Variants in NBAS observed in about 807,000 individuals in gnomAD.
NBAS encodes the protein NBAS subunit of NRZ tethering complex.
In NBAS, 219 loss-of-function variants were observed where a neutral mutation model predicts 302.5. The observed-to-expected ratio is 0.72, with a 90% CI of 0.65 to 0.81. NBAS has a LOEUF of 0.81. Among genes scored for constraint, NBAS ranks in the 30% least tolerant of loss-of-function variants. NBAS has a pLI of 0.00. For synonymous variants in NBAS, 1,118 were observed against 1,021.6 expected (o/e 1.09, Z -1.80); for missense variants, 2,932 against 2,841.6 (o/e 1.03, Z -0.72).
the NBAS span, among the ~76,000 whole-genome samples, chr2:14,959,098 C>T: frequency 1.3e-4 from 20 of 152,272 alleles, no homozygotes; most frequent in East Asian, 1.2e-3. Context: ...GGACTCAAGA[C>T]GCCTGTGTTT....
intron 9 of NBAS, among the ~76,000 whole-genome samples, chr2:15,518,406 G>A (rs1481564147): frequency 6.6e-5 from 10 of 151,952 alleles, no homozygotes; most frequent in Non-Finnish European, 1.5e-4. Context: ...CCTTCACCTG[G>A]AATATTTACA....
the NBAS span, among the ~76,000 whole-genome samples, chr2:15,148,197 T>A: frequency 6.6e-6 from 1 of 152,206 alleles, no homozygotes; most frequent in Non-Finnish European, 1.5e-5. Context: ...CAACCCAAGA[T>A]GACTTTGATT....
At chr2:15,301,691 T>G (rs1670802993) in intron 40 of NBAS, among the ~76,000 whole-genome samples, 1 of 152,160 alleles carries the variant, frequency 6.6e-6, no homozygotes, top group African/African-American at 2.4e-5. Context: ...AACAATAGAA[T>G]ACATGCGCTC....
the NBAS span, among the ~76,000 whole-genome samples, chr2:14,989,361 C>T: frequency 6.7e-6 from 1 of 149,884 alleles, no homozygotes; most frequent in Non-Finnish European, 1.5e-5. Flanking sequence ...AGTGCGAGAC[C>T]AGCCTGGCCA....
At chr2:15,342,437 A>G (rs533662946) in intron 35 of NBAS, among the ~76,000 whole-genome samples, 2 of 152,298 alleles carry the variant, frequency 1.3e-5, no homozygotes, top group South Asian at 4.1e-4. Context: ...ATTACATGAA[A>G]CAGTAAGCTG....
At chr2:15,408,266 T>C (rs2031011) in intron 25 of NBAS, among the ~76,000 whole-genome samples, 84,267 of 152,104 alleles carry the variant, frequency 0.55, 26,776 homozygotes, top group Non-Finnish European at 0.73. Context: ...ATTCAAAGTC[T>C]GGTTAAGATT....
At chr2:15,035,839 G>C in the NBAS span, among the ~76,000 whole-genome samples, 287 of 152,130 alleles carry the variant, frequency 1.9e-3, 2 homozygotes, top group Middle Eastern at 6.8e-3. Flanking sequence ...AGGCCTGTCC[G>C]GGGTGGGAGA....
chr2:14,810,698 G>T, the NBAS span, among the ~76,000 whole-genome samples: 450 of 152,256 alleles, frequency 3.0e-3, 3 homozygotes, highest in African/African-American at 9.8e-3. Flanking sequence ...TAAAAATAGT[G>T]CCAAGCTTCC....
At position 15,536,556 on chromosome 2, in the gene NBAS, A is replaced by C; in HGVS notation, c.514-5T>G. 6.3e-7 allele frequency: 1 copy of C among 1,599,660 alleles called. No homozygotes were observed. The highest frequency in any genetic ancestry group is 1.1e-5 in the South Asian group (1 of 88,280). On this transcript the variant is annotated splice_region_variant and splice_polypyrimidine_tract_variant and intron_variant, in intron 7 of 51. Transcript: ENST00000281513. The stretch of plus-strand genomic sequence containing the variant: ...GTCACCTATAAAACTAGATGCCTAC[A>C]GAAGAGGGGGAAATTAAGTTACTAA...
the NBAS span, among the ~76,000 whole-genome samples, chr2:14,854,314 A>G: frequency 6.6e-6 from 1 of 151,918 alleles, no homozygotes; most frequent in Non-Finnish European, 1.5e-5. Flanking sequence ...AAAAGAAAAG[A>G]AATAATAAAG....
intron 16 of NBAS, among the ~76,000 whole-genome samples, chr2:15,469,297 G>A (rs964255036): frequency 6.6e-6 from 1 of 152,128 alleles, no homozygotes; most frequent in Admixed American, 6.5e-5. Flanking sequence ...TGATGTTAGG[G>A]TGTCAATTTT....
intron 14 of NBAS, among the ~76,000 whole-genome samples, chr2:15,475,037 T>C (rs1462407082): frequency 6.6e-6 from 1 of 152,230 alleles, no homozygotes; most frequent in Non-Finnish European, 1.5e-5. Flanking sequence ...GTCTAACAGC[T>C]TTGCTAAGTT....
intron 44 of NBAS, 148 bp from the exon 45 acceptor site, chr2:15,238,834 G>A: frequency 1.5e-6 from 1 of 674,498 alleles, no homozygotes; most frequent in East Asian, 2.8e-5. Context: ...TTTTTCTTCT[G>A]TGAAGAAAAC....
chr2:14,843,734 G>A, the NBAS span, among the ~76,000 whole-genome samples: 1 of 152,128 alleles, frequency 6.6e-6, no homozygotes, highest in Admixed American at 6.5e-5. Context: ...GCTGCTTGGT[G>A]CAGAGAGAGA....
chr2:15,524,663 G>C (rs1166519699), intron 9 of NBAS, among the ~76,000 whole-genome samples: 1 of 152,144 alleles, frequency 6.6e-6, no homozygotes. Context: ...CCTCATTAGG[G>C]CAACTTCAAA....
chr2:15,144,046 A>ATATATATATATATTATCCTATATAT, the NBAS span, among the ~76,000 whole-genome samples: 2 of 104,578 alleles, frequency 1.9e-5, no homozygotes, highest in Admixed American at 1.1e-4. Context: ...CCTATATATA[A>ATATATATATATATTATCCTATATAT]AAATATATAT....
chr2:14,932,375 G>A, the NBAS span, among the ~76,000 whole-genome samples: 1 of 152,170 alleles, frequency 6.6e-6, no homozygotes, highest in South Asian at 2.1e-4. Flanking sequence ...CTGTTTTGGG[G>A]CTCCAAAGAC....
At chr2:14,915,708 A>G in the NBAS span, among the ~76,000 whole-genome samples, 1 of 152,058 alleles carries the variant, frequency 6.6e-6, no homozygotes, top group Non-Finnish European at 1.5e-5. Context: ...GACTACAGGC[A>G]CCTGCCACCA....
At chr2:14,947,554 C>A in the NBAS span, among the ~76,000 whole-genome samples, 2 of 151,966 alleles carry the variant, frequency 1.3e-5, no homozygotes, top group Non-Finnish European at 2.9e-5. Context: ...TTAGGTTTTT[C>A]TAAGTATAAG....
Sources: allele counts gnomAD v4.1 joint callset (sites outside exome capture counted in the v4.1 genomes callset), GRCh38; gene constraint gnomAD v4.1.1; transcripts MANE v1.5; gene names NCBI Gene and HGNC (gene_info 2026-07-23, HGNC 2026-07-21).